The following SPATA9 variants were observed in gnomAD, a reference collection of about 807,000 sequenced individuals.
SPATA9 encodes spermatogenesis associated 9.
Under a neutral mutation model 25.5 loss-of-function variants are expected in SPATA9, and 27 were observed. The observed-to-expected ratio is 1.06, with a 90% confidence interval of 0.78 to 1.46. SPATA9 has a LOEUF of 1.46. SPATA9 is among the 40% of genes most tolerant of loss of function. The pLI is 0.00. For synonymous variants in SPATA9, 102 were observed against 105.7 expected (o/e 0.97, Z 0.21); for missense variants, 282 against 297.5 (o/e 0.95, Z 0.38).
the SPATA9 span, chr5:95,731,614 C>A: frequency 6.2e-7 from 1 of 1,602,916 alleles, no homozygotes; most frequent in Non-Finnish European, 8.5e-7. Context: ...ACTCGCCGCC[C>A]GGGGGCCCCG....
upstream of SPATA9, among the ~76,000 whole-genome samples, chr5:95,685,393 T>C (rs1411060702): frequency 2.6e-5 from 4 of 152,222 alleles, no homozygotes; most frequent in Non-Finnish European, 5.9e-5. Flanking sequence ...CCTCACTTCA[T>C]GTATTACCTA....
chr5:95,717,326 C>T, the SPATA9 span, among the ~76,000 whole-genome samples: 8 of 152,130 alleles, frequency 5.3e-5, no homozygotes, highest in East Asian at 1.9e-4. Flanking sequence ...TTTGAGTCTC[C>T]ACAATTGCAT....
intron 3 of SPATA9, chr5:95,674,883 A>G: frequency 2.4e-6 from 1 of 409,952 alleles, no homozygotes; most frequent in Non-Finnish European, 4.8e-6. Context: ...GATGCTTTGT[A>G]TAATGCCCAA....
At chr5:95,672,076 AG>A (rs1418435171) in intron 3 of SPATA9, among the ~76,000 whole-genome samples, 2 of 152,198 alleles carry the variant, frequency 1.3e-5, no homozygotes, top group African/African-American at 4.8e-5. Flanking sequence ...CTTATATCCC[AG>A]GAACTCTGGA....
chr5:95,678,782 A>T (rs1753173083), intron 2 of SPATA9, among the ~76,000 whole-genome samples: 1 of 152,236 alleles, frequency 6.6e-6, no homozygotes, highest in African/African-American at 2.4e-5. Context: ...TCTGCTTAAC[A>T]ACGGAGTATT....
At chr5:95,719,327 C>T in the SPATA9 span, among the ~76,000 whole-genome samples, 1 of 152,002 alleles carries the variant, frequency 6.6e-6, no homozygotes, top group African/African-American at 2.4e-5. Context: ...ACTGACTCTC[C>T]CTCTCTACCC....
chr5:95,702,600 G>C (rs577796971), upstream of SPATA9, among the ~76,000 whole-genome samples: 5 of 152,222 alleles, frequency 3.3e-5, 1 homozygote, highest in African/African-American at 1.2e-4. Flanking sequence ...CAGAGGCCAG[G>C]CACAGTGGCT....
the SPATA9 span, among the ~76,000 whole-genome samples, chr5:95,707,293 A>G: frequency 3.3e-5 from 5 of 152,230 alleles, no homozygotes; most frequent in Admixed American, 3.3e-4. Context: ...TGATTAACAC[A>G]TGGATTAGTT....
chr5:95,660,710 T>G (rs1751182716), intron 4 of SPATA9, among the ~76,000 whole-genome samples: 1 of 152,156 alleles, frequency 6.6e-6, no homozygotes, highest in Non-Finnish European at 1.5e-5. Flanking sequence ...AAAAATTATA[T>G]TTGTGCACAT....
upstream of SPATA9, among the ~76,000 whole-genome samples, chr5:95,699,965 C>T (rs1183571196): frequency 1.3e-5 from 2 of 152,268 alleles, no homozygotes; most frequent in East Asian, 3.9e-4. Context: ...AATGGGACAT[C>T]TGGGCCAGAC....
chr5:95,670,395 G>A (rs1396744348), intron 3 of SPATA9: 3 of 152,150 alleles, frequency 2.0e-5, no homozygotes, highest in Non-Finnish European at 4.4e-5. Context: ...GAGAGTTTTG[G>A]TAGAGCTATT....
At chr5:95,686,033 C>A (rs1427942700), upstream of SPATA9, among the ~76,000 whole-genome samples, 1 of 152,134 alleles carries the variant, frequency 6.6e-6, no homozygotes, top group Non-Finnish European at 1.5e-5. Flanking sequence ...GGCAGGTAAC[C>A]ATGTTGGCCA....
chr5:95,673,016 G>A (rs187960343), intron 3 of SPATA9, among the ~76,000 whole-genome samples: 3 of 152,202 alleles, frequency 2.0e-5, no homozygotes, highest in East Asian at 3.9e-4. Context: ...ACATGTCATA[G>A]GCCATTAAAA....
intron 4 of SPATA9, among the ~76,000 whole-genome samples, chr5:95,661,365 A>G (rs1191432348): frequency 6.6e-6 from 1 of 152,092 alleles, no homozygotes; most frequent in Admixed American, 6.6e-5. Context: ...TCTAACATAT[A>G]TATTGCTTTC....
the SPATA9 span, among the ~76,000 whole-genome samples, chr5:95,726,239 C>T: frequency 2.0e-5 from 3 of 152,018 alleles, no homozygotes; most frequent in East Asian, 1.9e-4. Flanking sequence ...TTTCCATTTG[C>T]GTTCTATGTA....
chr5:95,658,880 T>C lies in SPATA9; in HGVS notation c.508A>G (p.Lys170Glu). ...VCVNAVLKKV[K>E]NIFQEEESIR... ...GATTCTTCTTCCTGGAAGATGTTCT[T>C]TACCTTCTTCAGCACAGCATTAACA... Residue 170 changes from lysine (K) to glutamate (E), a missense_variant, in exon 5 of 5, where the codon AAG becomes GAG. Coordinates refer to ENST00000274432, the MANE Select transcript of SPATA9 (RefSeq NM_031952.4). The C allele has an allele frequency of 6.2e-7, 1 of 1,613,704 alleles. No individual in the cohort carries two copies. The highest frequency in any genetic ancestry group is 8.5e-7 in the Non-Finnish European group (1 of 1,179,814).
At chr5:95,675,751 ATATATTCAACATC>A in intron 2 of SPATA9, 112 bp from the exon 3 acceptor site, 7 of 788,662 alleles carry the variant, frequency 8.9e-6, no homozygotes, top group South Asian at 1.8e-5. Context: ...GGTGTCATGC[ATATATTCAACATC>A]CAATATTTCT....
chr5:95,717,152 G>A, the SPATA9 span: 1 of 152,242 alleles, frequency 6.6e-6, no homozygotes, highest in South Asian at 2.1e-4. Context: ...ATTACCCTCC[G>A]TAATGTGGAT....
chr5:95,683,892 T>G (rs142945867), upstream of SPATA9, among the ~76,000 whole-genome samples: 1 of 152,290 alleles, frequency 6.6e-6, no homozygotes, highest in East Asian at 1.9e-4. Flanking sequence ...TGAATCCCAT[T>G]CTAATTTGAA....
Sources: allele counts gnomAD v4.1 joint callset (sites outside exome capture counted in the v4.1 genomes callset), GRCh38; gene constraint gnomAD v4.1.1; transcripts MANE v1.5; gene names NCBI Gene and HGNC (gene_info 2026-07-23, HGNC 2026-07-21).